Variants in FGF14 observed in about 807,000 individuals in gnomAD.
FGF14 encodes the protein fibroblast growth factor homologous factor 4.
Under a neutral mutation model 25.5 loss-of-function variants are expected in FGF14, and 5 were observed. The ratio of observed to expected loss-of-function variants is 0.20; its 90% CI spans 0.10 to 0.41. The LOEUF (loss-of-function observed/expected upper bound fraction) is 0.41, where lower values mean the gene tolerates loss of function less well. FGF14 is among the 10% of genes least tolerant of loss of function. FGF14 has a pLI of 1.00. For missense variants in FGF14, 222 were observed against 320.1 expected (o/e 0.69, Z 2.34); for synonymous variants, 138 against 118.3 (o/e 1.17, Z -1.08).
intron 1 of FGF14, among the ~76,000 whole-genome samples, chr13:102,207,304 G>A (rs1046457645): frequency 2.9e-4 from 44 of 150,154 alleles, no homozygotes; most frequent in East Asian, 2.0e-3. Context: ...ATAAATAAAA[G>A]AAAGAAAAAA....
intron 1 of FGF14, among the ~76,000 whole-genome samples, chr13:101,972,843 G>T (rs1401338316): frequency 6.6e-6 from 1 of 152,168 alleles, no homozygotes; most frequent in African/African-American, 2.4e-5. Context: ...GTTCAGGTAA[G>T]CCAAAGCCAA....
chr13:101,747,346 A>T (rs2139817557), intron 3 of FGF14, among the ~76,000 whole-genome samples: 1 of 152,204 alleles, frequency 6.6e-6, no homozygotes, highest in African/African-American at 2.4e-5. Context: ...AGTGAAAAAG[A>T]TATAATTTCC....
At chr13:102,161,649 G>GTACCCC (rs1566765170) in intron 1 of FGF14, among the ~76,000 whole-genome samples, 857 of 14,982 alleles carry the variant, frequency 0.057, 96 homozygotes, top group African/African-American at 0.15. Flanking sequence ...AGAAGAAGAA[G>GTACCCC]AAGAAGAAGA....
intron 1 of FGF14, among the ~76,000 whole-genome samples, chr13:102,081,085 G>C (rs571651721): frequency 3.2e-4 from 49 of 152,318 alleles, no homozygotes; most frequent in Admixed American, 3.3e-4. Context: ...TGAAATAGCA[G>C]GAGGCAAAAT....
intron 1 of FGF14, among the ~76,000 whole-genome samples, chr13:102,123,019 A>G (rs2045798156): frequency 6.6e-6 from 1 of 152,218 alleles, no homozygotes; most frequent in Non-Finnish European, 1.5e-5. Flanking sequence ...TCGAGCAATC[A>G]GATTAATTGA....
chr13:101,855,501 C>T (rs2984845), intron 3 of FGF14, among the ~76,000 whole-genome samples: 41,120 of 151,788 alleles, frequency 0.27, 5,856 homozygotes, highest in East Asian at 0.53. Flanking sequence ...CAGCAGACCC[C>T]TGGGCCAGTC....
At chr13:101,815,036 T>C (rs1263279306) in intron 3 of FGF14, among the ~76,000 whole-genome samples, 4 of 152,216 alleles carry the variant, frequency 2.6e-5, no homozygotes, top group Admixed American at 2.0e-4. Flanking sequence ...TGGGTATCTA[T>C]GCATGCGCAG....
intron 1 of FGF14, among the ~76,000 whole-genome samples, chr13:101,895,839 G>A (rs140158778): frequency 1.6e-4 from 24 of 152,126 alleles, no homozygotes; most frequent in Non-Finnish European, 3.2e-4. Flanking sequence ...TTTTTTTTAC[G>A]TAAGTACTTT....
At chr13:102,039,505 C>T (rs1418717563) in intron 1 of FGF14, among the ~76,000 whole-genome samples, 1 of 152,128 alleles carries the variant, frequency 6.6e-6, no homozygotes, top group African/African-American at 2.4e-5. Flanking sequence ...TGGCCCTCTC[C>T]CAGCTTCAGA....
chr13:102,004,590 A>G (rs994204664), intron 1 of FGF14, among the ~76,000 whole-genome samples: 4 of 152,122 alleles, frequency 2.6e-5, no homozygotes, highest in Non-Finnish European at 5.9e-5. Context: ...CTGATTACTG[A>G]TTGGAACTGG....
At chr13:102,301,293 T>G (rs1280640503) in intron 1 of FGF14, among the ~76,000 whole-genome samples, 1 of 152,218 alleles carries the variant, frequency 6.6e-6, no homozygotes, top group East Asian at 1.9e-4. Context: ...TTATACATAT[T>G]TATATGGAGT....
intron 1 of FGF14, among the ~76,000 whole-genome samples, chr13:102,178,010 G>A (rs1008391859): frequency 7.2e-5 from 11 of 152,022 alleles, no homozygotes; most frequent in Middle Eastern, 3.4e-3. Context: ...CCACAGCACC[G>A]CAGCAACTCA....
intron 1 of FGF14, among the ~76,000 whole-genome samples, chr13:102,274,183 G>A (rs1594672449): frequency 6.6e-6 from 1 of 152,018 alleles, no homozygotes; most frequent in Non-Finnish European, 1.5e-5. Context: ...CTACACATGG[G>A]GCTCCCACCG....
chr13:102,019,873 T>C (rs568636654), intron 1 of FGF14, among the ~76,000 whole-genome samples: 1 of 152,182 alleles, frequency 6.6e-6, no homozygotes, highest in Admixed American at 6.5e-5. Flanking sequence ...AGAGGGTTAT[T>C]CTATTCAACG....
intron 3 of FGF14, among the ~76,000 whole-genome samples, chr13:101,808,436 A>G (rs926518642): frequency 1.3e-5 from 2 of 152,150 alleles, no homozygotes; most frequent in Admixed American, 6.6e-5. Context: ...AAATTATATT[A>G]TGCTCAATTT....
At chr13:101,827,113 A>T (rs932281736) in intron 3 of FGF14, among the ~76,000 whole-genome samples, 12 of 152,038 alleles carry the variant, frequency 7.9e-5, no homozygotes, top group Non-Finnish European at 1.8e-4. Flanking sequence ...TTGTTAATAC[A>T]TAATATAATC....
At chr13:102,150,335 C>G (rs2047029854) in intron 1 of FGF14, among the ~76,000 whole-genome samples, 1 of 150,804 alleles carries the variant, frequency 6.6e-6, no homozygotes, top group Non-Finnish European at 1.5e-5. Context: ...AACATTGTGA[C>G]ATAGAGTGGG....
At chr13:102,103,753 G>T (rs1005117564) in intron 1 of FGF14, among the ~76,000 whole-genome samples, 1 of 152,088 alleles carries the variant, frequency 6.6e-6, no homozygotes, top group African/African-American at 2.4e-5. Flanking sequence ...TTTATTTTAG[G>T]TCCTGGCCCC....
At chr13:102,276,349 G>GTT (rs1208210428) in intron 1 of FGF14, among the ~76,000 whole-genome samples, 5 of 32,758 alleles carry the variant, frequency 1.5e-4, no homozygotes, top group Non-Finnish European at 2.2e-4. Context: ...GTGTGTGTGT[G>GTT]TGTGTATATA....
Sources: allele counts gnomAD v4.1 joint callset (sites outside exome capture counted in the v4.1 genomes callset), GRCh38; gene constraint gnomAD v4.1.1; transcripts MANE v1.5; gene names NCBI Gene and HGNC (gene_info 2026-07-23, HGNC 2026-07-21).